PRTG: variants seen among roughly 807,000 people sequenced by gnomAD.
The protein encoded by PRTG is protogenin, also known as immunoglobulin superfamily, DCC subclass, member 5.
Under a neutral mutation model 122.5 loss-of-function variants are expected in PRTG, and 67 were observed. The ratio of observed to expected loss-of-function variants is 0.55; its 90% CI spans 0.45 to 0.67. The LOEUF (loss-of-function observed/expected upper bound fraction) is 0.67, where lower values mean the gene tolerates loss of function less well. Among genes scored for constraint, PRTG ranks in the 30% least tolerant of loss-of-function variants. The pLI is 0.00. For synonymous variants in PRTG, 554 were observed against 501.1 expected (o/e 1.11, Z -1.41); for missense variants, 1,435 against 1,415.4 (o/e 1.01, Z -0.22).
At chr15:55,665,289 A>C (rs1436098827) in intron 11 of PRTG, among the ~76,000 whole-genome samples, 1 of 151,848 alleles carries the variant, frequency 6.6e-6, no homozygotes, top group Non-Finnish European at 1.5e-5. Flanking sequence ...AGAAAGGCAT[A>C]AACCTAATGT....
chr15:55,655,144 A>G (rs777302671), intron 11 of PRTG: 5 of 152,254 alleles, frequency 3.3e-5, no homozygotes, highest in Non-Finnish European at 5.9e-5. Flanking sequence ...GTATGTTACA[A>G]CAACTTATGT....
intron 15 of PRTG, among the ~76,000 whole-genome samples, chr15:55,630,036 G>A (rs985932083): frequency 6.7e-6 from 1 of 148,266 alleles, no homozygotes; most frequent in South Asian, 2.1e-4. Flanking sequence ...GCCCAGGCTA[G>A]AGTGCAGCGG....
rs1388589688 is a variant in PRTG at position 55,742,903 on chromosome 15, C to T, written c.29G>A (p.Arg10Gln). The change falls in exon 1 of 20, where the codon CGG (arginine) becomes CAG (glutamine). Residue 10 changes from arginine (R) to glutamine (Q), a missense_variant. By Grantham distance (43) the Arg-to-Gln change is conservative. Transcript: ENST00000389286. MAPPLRPLA[R>Q]LRPPGMLLRA... ...GAGCAGCATCCCCGGCGGTCGCAGCCGGGCGAGGGGTCGCAGAGGAGGCGC... is the reference window on the plus strand; with the variant it reads ...GAGCAGCATCCCCGGCGGTCGCAGCTGGGCGAGGGGTCGCAGAGGAGGCGC... 6.5e-7 allele frequency: 1 copy of T among 1,529,282 alleles called. No individual in the cohort carries two copies. The highest frequency in any genetic ancestry group is 1.4e-5 in the African/African-American group (1 of 69,896). 94.7% of individuals were successfully genotyped at this position (1,529,282 alleles called of 1,614,324 possible). A position where few individuals can be genotyped will look rare whatever the true frequency, so the allele number is the denominator to read the frequency against.
chr15:55,699,680 G>C (rs748288281), intron 2 of PRTG, among the ~76,000 whole-genome samples: 1 of 152,024 alleles, frequency 6.6e-6, no homozygotes, highest in Non-Finnish European at 1.5e-5. Context: ...AAATGTGTTG[G>C]GACTTAGAGA....
At chr15:55,694,703 A>G (rs2059622646) in intron 2 of PRTG, among the ~76,000 whole-genome samples, 1 of 152,210 alleles carries the variant, frequency 6.6e-6, no homozygotes, top group African/African-American at 2.4e-5. Flanking sequence ...TTCACAATGA[A>G]TGTTAGAGCC....
Position 55,679,449 on chromosome 15 carries a change from T to C in PRTG, c.974-4A>G. The C allele has an allele frequency of 6.2e-7, 1 of 1,601,796 alleles. No individual in the cohort carries two copies. The highest frequency in any genetic ancestry group is 8.5e-7 in the Non-Finnish European group (1 of 1,172,590). ...CATTCAACAAATGAAGGAGGAGCTA[T>C]TTTTAAAGAAAAAAATGAAATATTT... On this transcript the variant is annotated splice_polypyrimidine_tract_variant and splice_region_variant and intron_variant, in intron 6 of 19. Coordinates refer to ENST00000389286, the MANE Select transcript of PRTG (RefSeq NM_173814.6).
intron 2 of PRTG, among the ~76,000 whole-genome samples, chr15:55,724,919 A>G (rs2141874062): frequency 6.6e-6 from 1 of 152,356 alleles, no homozygotes; most frequent in South Asian, 2.1e-4. Flanking sequence ...GATGCTAAAG[A>G]AAGTGCTAGA....
At chr15:55,710,692 A>T (rs1175402568) in intron 2 of PRTG, among the ~76,000 whole-genome samples, 1 of 150,800 alleles carries the variant, frequency 6.6e-6, no homozygotes, top group Non-Finnish European at 1.5e-5. Context: ...AGCCTTCTCT[A>T]TAAACTAAAC....
At chr15:55,656,880 G>A (rs1378292041) in intron 11 of PRTG, among the ~76,000 whole-genome samples, 2 of 152,200 alleles carry the variant, frequency 1.3e-5, no homozygotes, top group Non-Finnish European at 2.9e-5. Context: ...ATATACAAAT[G>A]TTTATATTGA....
At chr15:55,689,658 T>C (rs1595653683) in intron 2 of PRTG, among the ~76,000 whole-genome samples, 1 of 149,266 alleles carries the variant, frequency 6.7e-6, no homozygotes, top group Non-Finnish European at 1.5e-5. Context: ...CCAGGCGCAG[T>C]GGCTCACACC....
intron 15 of PRTG, among the ~76,000 whole-genome samples, chr15:55,630,511 G>A (rs1238261186): frequency 6.6e-6 from 1 of 152,202 alleles, no homozygotes; most frequent in Non-Finnish European, 1.5e-5. Flanking sequence ...ACAGGTCTCA[G>A]ATTAAACTAT....
intron 15 of PRTG, among the ~76,000 whole-genome samples, chr15:55,632,279 A>T (rs759123039): frequency 6.6e-6 from 1 of 152,006 alleles, no homozygotes; most frequent in Non-Finnish European, 1.5e-5. Context: ...AGCATATCTG[A>T]CTGGCTTTTT....
chr15:55,658,810 T>C (rs2059394167), intron 11 of PRTG, among the ~76,000 whole-genome samples: 2 of 152,218 alleles, frequency 1.3e-5, no homozygotes, highest in Non-Finnish European at 2.9e-5. Flanking sequence ...CTCATCTATT[T>C]GTTTTTTATT....
At chr15:55,721,911 A>G (rs2030840319) in intron 2 of PRTG, among the ~76,000 whole-genome samples, 3 of 152,304 alleles carry the variant, frequency 2.0e-5, no homozygotes, top group African/African-American at 7.2e-5. Context: ...CCATGATTCA[A>G]TTACCTCCCA....
At position 55,742,784 on chromosome 15, in the gene PRTG, C is replaced by T; in HGVS notation, c.94+54G>A. ...TCGTTTCCTCTTTCCCCATCCCACT[C>T]GCGCCCGCTCCCGCCCCACAGCGGT... On this transcript the variant is annotated intron_variant, in intron 1 of 19. Transcript: ENST00000389286. 7.8e-6 allele frequency: 12 copies of T among 1,535,876 alleles called. No individual in the cohort carries two copies. The South Asian group carries it at 1.3e-4, about 17-fold the overall frequency.
chr15:55,668,971 G>A (rs1370437586), intron 11 of PRTG, among the ~76,000 whole-genome samples: 1 of 152,062 alleles, frequency 6.6e-6, no homozygotes, highest in African/African-American at 2.4e-5. Context: ...CTTGTTTTAA[G>A]CAGAGATTAC....
At chr15:55,656,624 C>A (rs2059381732) in intron 11 of PRTG, among the ~76,000 whole-genome samples, 1 of 152,184 alleles carries the variant, frequency 6.6e-6, no homozygotes, top group Non-Finnish European at 1.5e-5. Flanking sequence ...TCTCTTGCCT[C>A]AGCCTCCCAA....
chr15:55,646,142 G>GAGTA, intron 11 of PRTG, among the ~76,000 whole-genome samples: 1 of 151,184 alleles, frequency 6.6e-6, no homozygotes, highest in East Asian at 1.9e-4. Context: ...AAGTAGCTGG[G>GAGTA]AGTACAGGCA....
In PRTG at chr15:55,611,689, G is replaced by A. The variant is rs973802910; in HGVS notation, c.*8323C>T. 3 of 151,496 alleles carry A rather than the reference G, an allele frequency of 2.0e-5. No homozygotes were observed. Among genetic ancestry groups the A allele is most frequent in the Non-Finnish European group, 4.4e-5 (3 of 67,852 alleles). The allele number at this position is 151,496 out of a possible 1,614,324, so 9.4% of individuals were successfully genotyped here. A position where few individuals can be genotyped will look rare whatever the true frequency, so the allele number is the denominator to read the frequency against. ...GTATATAAACTACCCAGTGGGGTGG[G>A]GGCAAGTACTAAGCAATATTTACTA... is the stretch of plus-strand genomic sequence containing the variant. On this transcript the variant is annotated 3_prime_UTR_variant, in exon 20 of 20. Coordinates refer to ENST00000389286, the MANE Select transcript of PRTG (RefSeq NM_173814.6).
Sources: allele counts gnomAD v4.1 joint callset (sites outside exome capture counted in the v4.1 genomes callset), GRCh38; gene constraint gnomAD v4.1.1; transcripts MANE v1.5; gene names NCBI Gene and HGNC (gene_info 2026-07-23, HGNC 2026-07-21).